Variants in CRB1 observed in about 807,000 individuals in gnomAD.
CRB1 encodes the protein protein crumbs homolog 1.
CRB1 carries 83 observed loss-of-function variants against 120.0 expected under a neutral mutation model. The observed-to-expected ratio is 0.69, with a 90% confidence interval of 0.58 to 0.83. The LOEUF (loss-of-function observed/expected upper bound fraction) is 0.83. Ranked by LOEUF, CRB1 falls within the 40% of genes least tolerant of loss-of-function variation. The probability of loss-of-function intolerance (pLI) is 0.00; values close to 1 mark genes in which losing one functional copy is unlikely to be tolerated. For missense variants in CRB1, 1,699 were observed against 1,687.6 expected, an observed-to-expected ratio of 1.01 and a Z score of -0.12; for synonymous variants, 625 against 612.5, an observed-to-expected ratio of 1.02 and a Z score of -0.30.
intron 11 of CRB1, among the ~76,000 whole-genome samples, chr1:197,468,911 A>G (rs1245697968): frequency 6.6e-6 from 1 of 152,204 alleles, no homozygotes; most frequent in Non-Finnish European, 1.5e-5. Context: ...GTTTCAGGAT[A>G]GAGAAGTGGT....
chr1:197,236,389 TGC>T, the CRB1 span, among the ~76,000 whole-genome samples: 1 of 152,018 alleles, frequency 6.6e-6, no homozygotes, highest in Non-Finnish European at 1.5e-5. Flanking sequence ...TTAGTACAGA[TGC>T]GGTTTCGCCA....
At chr1:197,470,546 G>A (rs961243877) in intron 11 of CRB1, among the ~76,000 whole-genome samples, 5 of 152,324 alleles carry the variant, frequency 3.3e-5, no homozygotes, top group Admixed American at 1.3e-4. Flanking sequence ...GTTCTTGTAT[G>A]AGATGAGGCG....
At chr1:197,309,368 C>T (rs1462246108) in intron 1 of CRB1, among the ~76,000 whole-genome samples, 1 of 152,112 alleles carries the variant, frequency 6.6e-6, no homozygotes, top group African/African-American at 2.4e-5. Flanking sequence ...TAACATAACA[C>T]CTTCTGTTTA....
chr1:197,334,912 A>G (rs547619143), intron 2 of CRB1, among the ~76,000 whole-genome samples: 1 of 152,356 alleles, frequency 6.6e-6, no homozygotes, highest in African/African-American at 2.4e-5. Context: ...TAAAACAAGT[A>G]ATAGATATAC....
intron 5 of CRB1, among the ~76,000 whole-genome samples, chr1:197,373,987 C>G (rs982207687): frequency 6.6e-6 from 1 of 152,140 alleles, no homozygotes; most frequent in Non-Finnish European, 1.5e-5. Context: ...CTGACACAGC[C>G]AATTTTCTAG....
chr1:197,451,415 A>C (rs1258363020), intron 11 of CRB1, among the ~76,000 whole-genome samples: 2 of 152,208 alleles, frequency 1.3e-5, no homozygotes, highest in East Asian at 1.9e-4. Context: ...GAAAGGGAGG[A>C]CTGGGAATGA....
At chr1:197,274,199 C>T (rs1050376650) in intron 1 of CRB1, among the ~76,000 whole-genome samples, 21 of 152,036 alleles carry the variant, frequency 1.4e-4, no homozygotes, top group African/African-American at 5.1e-4. Context: ...GCCATTTATT[C>T]ACTTGTTTAA....
At chr1:197,473,761 T>A (rs1667083454) in intron 11 of CRB1, among the ~76,000 whole-genome samples, 3 of 151,896 alleles carry the variant, frequency 2.0e-5, no homozygotes, top group Admixed American at 2.0e-4. Context: ...CCTGGAGGCC[T>A]CCATCATCAG....
chr1:197,475,356 G>T (rs1667154778), intron 11 of CRB1, among the ~76,000 whole-genome samples: 1 of 151,972 alleles, frequency 6.6e-6, no homozygotes, highest in Admixed American at 6.6e-5. Context: ...ATCTAATGTG[G>T]TATCAACAGC....
chr1:197,461,935 T>C (rs1201253211), intron 11 of CRB1, among the ~76,000 whole-genome samples: 5 of 152,188 alleles, frequency 3.3e-5, no homozygotes, highest in Non-Finnish European at 7.4e-5. Flanking sequence ...GTTGTTTGAA[T>C]AGTTTTCTCA....
rs567905827 is a variant in CRB1 at position 197,313,528 on chromosome 1, A to C, written c.71-14894A>C. 6.2e-4 allele frequency among the ~76,000 whole-genome samples: 95 copies of C among 152,338 alleles called. 1 individual carries two copies. The highest frequency in any genetic ancestry group is 4.4e-5 in the Non-Finnish European group (3 of 68,030). On this transcript the variant is annotated intron_variant, in intron 1 of 11. Coordinates refer to ENST00000367400, the MANE Select transcript of CRB1 (RefSeq NM_201253.3). ...TGGTTAATTATAATATCCCTTATTTACTATCAAGTACTAGAATGTATTCCT... is the reference window on the plus strand; with the variant it reads ...TGGTTAATTATAATATCCCTTATTTCCTATCAAGTACTAGAATGTATTCCT...
chr1:197,221,683 T>C, the CRB1 span, among the ~76,000 whole-genome samples: 5 of 152,134 alleles, frequency 3.3e-5, no homozygotes, highest in Non-Finnish European at 7.3e-5. Flanking sequence ...TCCTTTGTCA[T>C]TAAGAGGACT....
the CRB1 span, chr1:197,222,593 TC>T: frequency 1.3e-6 from 1 of 770,674 alleles, no homozygotes; most frequent in Non-Finnish European, 2.4e-6. Context: ...TGCAGTTGGC[TC>T]CTAGTGAGGA....
chr1:197,425,628 A>AT (rs779404983), intron 6 of CRB1, among the ~76,000 whole-genome samples: 101 of 152,168 alleles, frequency 6.6e-4, no homozygotes, highest in Non-Finnish European at 1.2e-3. Context: ...ATCTTACTTG[A>AT]TTTCTCAATA....
At chr1:197,209,283 TG>T in the CRB1 span, among the ~76,000 whole-genome samples, 1 of 152,194 alleles carries the variant, frequency 6.6e-6, no homozygotes, top group African/African-American at 2.4e-5. Flanking sequence ...CAATCAAAAT[TG>T]TTCAGCTGGA....
At position 197,427,538 on chromosome 1, in the gene CRB1, G is replaced by C. The variant is rs747700125; in HGVS notation, c.2213G>C (p.Ser738Thr). 1 of 1,613,850 alleles carries C rather than the reference G, an allele frequency of 6.2e-7. No individual in the cohort carries two copies. Among genetic ancestry groups the C allele is most frequent in the Admixed American group, 1.7e-5 (1 of 59,946 alleles). The change falls in exon 7 of 12, where the codon AGC becomes ACC. Residue 738 changes from serine to threonine, a missense_variant. Coordinates refer to ENST00000367400, the MANE Select transcript of CRB1 (RefSeq NM_201253.3). ...TLDESYGDTI[S>T]LSMFVRTLQP... ...GATGAGAGCTATGGAGACACCATCAGCCTCTCCATGTTTGTCCGAACGCTT... is the reference window on the plus strand; with the variant it reads ...GATGAGAGCTATGGAGACACCATCACCCTCTCCATGTTTGTCCGAACGCTT...
the CRB1 span, among the ~76,000 whole-genome samples, chr1:197,216,102 T>C: frequency 6.6e-6 from 1 of 152,210 alleles, no homozygotes; most frequent in East Asian, 1.9e-4. Flanking sequence ...ATGTAGAGTT[T>C]CCTTTCCTTA....
chr1:197,236,566 G>C, the CRB1 span, among the ~76,000 whole-genome samples: 1 of 152,078 alleles, frequency 6.6e-6, no homozygotes, highest in African/African-American at 2.4e-5. Flanking sequence ...GAATAAGAGA[G>C]GTGAGGAGTG....
chr1:197,379,448 C>T (rs993159995), intron 5 of CRB1, among the ~76,000 whole-genome samples: 7 of 151,454 alleles, frequency 4.6e-5, no homozygotes, highest in East Asian at 3.9e-4. Context: ...TACAGGCTCC[C>T]GCCACCACGC....
Sources: allele counts gnomAD v4.1 joint callset (sites outside exome capture counted in the v4.1 genomes callset), GRCh38; gene constraint gnomAD v4.1.1; transcripts MANE v1.5; gene names NCBI Gene and HGNC (gene_info 2026-07-23, HGNC 2026-07-21).